CUL2: variants seen among roughly 807,000 people sequenced by gnomAD.
CUL2 encodes cullin 2.
Under a neutral mutation model 110.2 loss-of-function variants are expected in CUL2, and 22 were observed. The observed-to-expected ratio is 0.20, with a 90% CI of 0.14 to 0.28. The LOEUF (loss-of-function observed/expected upper bound fraction) is 0.28. Among genes scored for constraint, CUL2 ranks in the 10% least tolerant of loss-of-function variants. The pLI is 1.00. For synonymous variants in CUL2, 279 were observed against 293.2 expected (o/e 0.95, Z 0.49); for missense variants, 631 against 905.5 (o/e 0.70, Z 3.89).
chr10:35,097,504 A>AAG (rs2087316147), intron 2 of CUL2, among the ~76,000 whole-genome samples: 1 of 151,886 alleles, frequency 6.6e-6, no homozygotes, highest in Admixed American at 6.6e-5. Flanking sequence ...AAAAAAAAAA[A>AAG]AAAAAAGAAC....
chr10:35,098,638 A>G (rs766605113), intron 2 of CUL2, among the ~76,000 whole-genome samples: 1 of 152,286 alleles, frequency 6.6e-6, no homozygotes, highest in Non-Finnish European at 1.5e-5. Context: ...GTAACTTAAT[A>G]AAAATAAGCA....
At position 35,058,059 on chromosome 10, in the gene CUL2, C is replaced by T. The variant is rs1037351001; in HGVS notation, c.317+2815G>A. ...GCTGCAGTGAGCCAAGATTGTGCCA[C>T]TGCACTCCAGCCGGGGAAACAGCGA... On this transcript the variant is annotated intron_variant, in intron 4 of 20. Coordinates refer to ENST00000374749, the MANE Select transcript of CUL2 (RefSeq NM_003591.4). Among the ~76,000 whole-genome samples, 4 of 152,310 alleles carry T rather than the reference C, an allele frequency of 2.6e-5. No homozygotes were observed. The South Asian group carries it at 8.3e-4, about 32-fold the overall frequency.
intron 9 of CUL2, 68 bp downstream of exon 9, chr10:35,038,852 G>T: frequency 1.0e-6 from 1 of 1,004,466 alleles, no homozygotes. Flanking sequence ...TTAAATCAAG[G>T]GTGACTAGAG....
chr10:35,020,786 G>A (rs572316170), intron 17 of CUL2, among the ~76,000 whole-genome samples: 5 of 152,012 alleles, frequency 3.3e-5, no homozygotes, highest in East Asian at 1.9e-4. Flanking sequence ...GTTCCTTATC[G>A]TTAATTCTAT....
At chr10:35,016,092 A>G in intron 18 of CUL2, 100 bp downstream of exon 18, 1 of 971,146 alleles carries the variant, frequency 1.0e-6, no homozygotes, top group Non-Finnish European at 1.5e-6. Context: ...TGCTTTCCAG[A>G]GCACAATAAC....
chr10:35,111,056 A>G (rs2087518105), intron 1 of CUL2, among the ~76,000 whole-genome samples: 2 of 152,116 alleles, frequency 1.3e-5, no homozygotes, highest in African/African-American at 4.8e-5. Flanking sequence ...GGATTAGATA[A>G]TTATTTTAAA....
At chr10:35,011,194 A>G (rs2084891956) in intron 20 of CUL2, among the ~76,000 whole-genome samples, 1 of 145,172 alleles carries the variant, frequency 6.9e-6, no homozygotes, top group Admixed American at 7.0e-5. Context: ...ACAACTGGCT[A>G]ATTTTTTAAT....
intron 1 of CUL2, among the ~76,000 whole-genome samples, chr10:35,117,564 A>G (rs1369744108): frequency 6.6e-6 from 1 of 151,416 alleles, no homozygotes; most frequent in East Asian, 1.9e-4. Flanking sequence ...AAAGGCAACT[A>G]TCGAAAGCAA....
At chr10:35,026,327 A>G (rs1454738028) in intron 16 of CUL2, among the ~76,000 whole-genome samples, 1 of 151,724 alleles carries the variant, frequency 6.6e-6, no homozygotes, top group Non-Finnish European at 1.5e-5. Context: ...GTATGATCTG[A>G]CTAACTAATA....
chr10:35,109,164 T>C (rs1243092750), intron 1 of CUL2, among the ~76,000 whole-genome samples: 1 of 152,172 alleles, frequency 6.6e-6, no homozygotes, highest in African/African-American at 2.4e-5. Flanking sequence ...GTGAGCCATG[T>C]TCGCACCTAG....
intron 1 of CUL2, among the ~76,000 whole-genome samples, chr10:35,111,894 T>A (rs2087527955): frequency 1.3e-5 from 2 of 152,282 alleles, no homozygotes; most frequent in Non-Finnish European, 1.5e-5. Context: ...CCAAAAAACT[T>A]TTCATGGTCT....
intron 1 of CUL2, among the ~76,000 whole-genome samples, chr10:35,119,222 C>T (rs1318669493): frequency 5.3e-5 from 8 of 152,206 alleles, no homozygotes; most frequent in African/African-American, 1.7e-4. Flanking sequence ...CAACCACATT[C>T]TCAATCTTGG....
At chr10:35,074,556 A>G (rs2086765562) in intron 1 of CUL2, among the ~76,000 whole-genome samples, 1 of 151,964 alleles carries the variant, frequency 6.6e-6, no homozygotes, top group African/African-American at 2.4e-5. Context: ...CCCAGGCTCG[A>G]GTGCACTGCA....
intron 9 of CUL2, among the ~76,000 whole-genome samples, chr10:35,036,871 C>G (rs2085634295): frequency 6.6e-6 from 1 of 152,024 alleles, no homozygotes; most frequent in African/African-American, 2.4e-5. Context: ...GTAGATGGGA[C>G]CACAGGTGCA....
intron 1 of CUL2, among the ~76,000 whole-genome samples, chr10:35,087,460 G>A (rs540488505): frequency 2.6e-5 from 4 of 152,184 alleles, no homozygotes; most frequent in South Asian, 2.1e-4. Context: ...AGAAGCCCTC[G>A]TTGGATGGCT....
chr10:35,107,210 G>A (rs1276189586), intron 1 of CUL2, among the ~76,000 whole-genome samples: 6 of 151,620 alleles, frequency 4.0e-5, no homozygotes, highest in Admixed American at 2.0e-4. Context: ...TCCTGACCTC[G>A]TGATCCACCC....
intron 1 of CUL2, among the ~76,000 whole-genome samples, chr10:35,111,629 T>A (rs1453364619): frequency 2.0e-5 from 3 of 152,210 alleles, no homozygotes; most frequent in Non-Finnish European, 4.4e-5. Context: ...GGCTCACGCC[T>A]GTAATACCAA....
chr10:35,091,356 G>A (rs185614195), upstream of CUL2, among the ~76,000 whole-genome samples: 6 of 152,250 alleles, frequency 3.9e-5, no homozygotes, highest in Admixed American at 2.6e-4. Context: ...CTCCAGACCT[G>A]ATCAGTCCCT....
upstream of CUL2, among the ~76,000 whole-genome samples, chr10:35,094,746 C>G (rs2087270674): frequency 2.0e-5 from 3 of 152,074 alleles, no homozygotes; most frequent in South Asian, 6.2e-4. Context: ...CCAAACTCTA[C>G]AGTAGGGAAA....
Sources: allele counts gnomAD v4.1 joint callset (sites outside exome capture counted in the v4.1 genomes callset), GRCh38; gene constraint gnomAD v4.1.1; transcripts MANE v1.5; gene names NCBI Gene and HGNC (gene_info 2026-07-23, HGNC 2026-07-21).